The following DDX46 variants were observed in gnomAD, a reference collection of about 807,000 sequenced individuals.
DDX46 encodes the protein DEAD-box helicase 46, also known as probable ATP-dependent RNA helicase DDX46.
Under a neutral mutation model 134.9 loss-of-function variants are expected in DDX46, and 30 were observed. The ratio of observed to expected loss-of-function variants is 0.22; its 90% CI spans 0.17 to 0.30. The LOEUF is 0.30. Among genes scored for constraint, DDX46 ranks in the 10% least tolerant of loss-of-function variants. The pLI is 1.00. For synonymous variants in DDX46, 415 were observed against 404.1 expected (o/e 1.03, Z -0.32); for missense variants, 622 against 1,248.7 (o/e 0.50, Z 7.56).
At chr5:134,790,876 G>A (rs1417787387) in intron 13 of DDX46, among the ~76,000 whole-genome samples, 2 of 151,934 alleles carry the variant, frequency 1.3e-5, no homozygotes, top group Admixed American at 1.3e-4. Context: ...AGACTGCAGT[G>A]CAGTGGAGAA....
intron 4 of DDX46, among the ~76,000 whole-genome samples, chr5:134,772,100 G>T (rs186111603): frequency 6.6e-6 from 1 of 151,960 alleles, no homozygotes; most frequent in Non-Finnish European, 1.5e-5. Flanking sequence ...GCGTGATGGC[G>T]CATGCCTGTA....
chr5:134,828,981 G>T lies in DDX46; in HGVS notation c.*275G>T. On this transcript the variant is annotated 3_prime_UTR_variant, in exon 23 of 23. Coordinates refer to ENST00000452510, the MANE Select transcript of DDX46 (RefSeq NM_001300860.2). The stretch of plus-strand genomic sequence containing the variant: ...TAAATGTCCGGATAATATTCTAGAG[G>T]TTTAAAAAATGGAAATATTTGAACT... 4.0e-6 allele frequency: 1 copy of T among 252,914 alleles called. No homozygotes were observed. Among genetic ancestry groups the T allele is most frequent in the Non-Finnish European group, 7.4e-6 (1 of 134,350 alleles). The allele number at this position is 252,914 out of a possible 1,614,324, so 15.7% of individuals were successfully genotyped here.
At chr5:134,783,812 G>A (rs1754245885) in intron 9 of DDX46, among the ~76,000 whole-genome samples, 1 of 149,406 alleles carries the variant, frequency 6.7e-6, no homozygotes, top group Admixed American at 6.7e-5. Flanking sequence ...GCCTCTGAAA[G>A]TACTGGGATT....
At chr5:134,779,214 G>T (rs1754053679) in intron 6 of DDX46, among the ~76,000 whole-genome samples, 1 of 150,700 alleles carries the variant, frequency 6.6e-6, no homozygotes, top group South Asian at 2.1e-4. Context: ...TTTTTTTTGA[G>T]ATGGAGTCTT....
At chr5:134,827,423 C>T (rs1755619803) in intron 22 of DDX46, among the ~76,000 whole-genome samples, 1 of 152,090 alleles carries the variant, frequency 6.6e-6, no homozygotes, top group African/African-American at 2.4e-5. Context: ...TACAGGCGCA[C>T]ACCACCGCAT....
chr5:134,817,400 C>A, intron 19 of DDX46, 96 bp from the exon 20 acceptor site: 2 of 1,225,298 alleles, frequency 1.6e-6, no homozygotes, highest in Non-Finnish European at 1.1e-6. Context: ...AACTTGCATA[C>A]AAAGTTAGTA....
At chr5:134,802,497 G>A (rs188912540) in intron 15 of DDX46, among the ~76,000 whole-genome samples, 42 of 135,038 alleles carry the variant, frequency 3.1e-4, no homozygotes, top group African/African-American at 1.0e-3. Context: ...CAACATTATC[G>A]TTTTTTTTTT....
At chr5:134,780,098 A>G (rs77686679) in intron 6 of DDX46, among the ~76,000 whole-genome samples, 2,489 of 139,570 alleles carry the variant, frequency 0.018, 58 homozygotes, top group African/African-American at 0.051. Flanking sequence ...AAAAAAATAT[A>G]TGTGTGTGTG....
chr5:134,807,175 CTTTT>C (rs11284486), intron 15 of DDX46, among the ~76,000 whole-genome samples: 1 of 121,728 alleles, frequency 8.2e-6, no homozygotes. Flanking sequence ...CCACGCCTGG[CTTTT>C]TTTTTTTTTT....
chr5:134,786,776 C>T (rs950793474), intron 11 of DDX46, among the ~76,000 whole-genome samples: 22 of 151,992 alleles, frequency 1.4e-4, no homozygotes, highest in African/African-American at 4.6e-4. Flanking sequence ...ACCTGGGAGG[C>T]GGAGGTTGCA....
At chr5:134,827,707 C>T (rs1246796711) in intron 22 of DDX46, among the ~76,000 whole-genome samples, 1 of 150,730 alleles carries the variant, frequency 6.6e-6, no homozygotes, top group Non-Finnish European at 1.5e-5. Flanking sequence ...CATGTTATTG[C>T]ATGTAGCAAT....
intron 18 of DDX46, among the ~76,000 whole-genome samples, chr5:134,815,377 A>G (rs1755258000): frequency 6.6e-6 from 1 of 152,140 alleles, no homozygotes; most frequent in Admixed American, 6.5e-5. Context: ...CAGTGATATC[A>G]GTAGTCACTG....
intron 5 of DDX46, among the ~76,000 whole-genome samples, chr5:134,777,071 A>T (rs1388689810): frequency 6.6e-6 from 1 of 152,112 alleles, no homozygotes; most frequent in Admixed American, 6.5e-5. Context: ...AATTAGTGGC[A>T]TGGTGGCGGG....
intron 15 of DDX46, 125 bp from the exon 16 acceptor site, chr5:134,807,620 AGTC>A (rs1283507902): frequency 2.6e-6 from 2 of 771,042 alleles, no homozygotes; most frequent in Middle Eastern, 3.8e-4. Flanking sequence ...ACATTTTCTT[AGTC>A]TTTTATTTTC....
At chr5:134,811,461 TACG>T in intron 17 of DDX46, 103 bp downstream of exon 17, 2 of 1,442,574 alleles carry the variant, frequency 1.4e-6, no homozygotes, top group East Asian at 4.7e-5. Context: ...AAAATTTTGC[TACG>T]ACTATTTTTA....
chr5:134,777,845 T>A, intron 6 of DDX46, 120 bp downstream of exon 6: 2 of 1,213,644 alleles, frequency 1.6e-6, no homozygotes, highest in Non-Finnish European at 2.2e-6. Flanking sequence ...TCTCCTCATC[T>A]GAGAGATGGC....
intron 7 of DDX46, 50 bp from the exon 8 acceptor site, chr5:134,781,871 G>A (rs1326746200): frequency 1.3e-6 from 2 of 1,544,666 alleles, no homozygotes; most frequent in Admixed American, 2.2e-5. Context: ...TTCCCACAAG[G>A]GGAAAATAGT....
chr5:134,776,412 G>A (rs1753939062), intron 5 of DDX46, among the ~76,000 whole-genome samples: 2 of 151,638 alleles, frequency 1.3e-5, no homozygotes, highest in Admixed American at 6.6e-5. Flanking sequence ...AAAGAATTAC[G>A]AGAAAGCAAA....
chr5:134,817,690 A>G lies in DDX46; in HGVS notation c.2808A>G (p.Glu936=), dbSNP rs140264157. ...AATCTTTTAAGAGATATGAAGAAGA[A>G]TTAGAGATCAATGACTTCCCACAGG... The part of the protein sequence containing the change: ...QNESFKRYEE[E]LEINDFPQTA... The change falls in exon 20 of 23, where the codon GAA becomes GAG. Residue 936 remains glutamate (E), a synonymous_variant. Coordinates refer to ENST00000452510, the MANE Select transcript of DDX46 (RefSeq NM_001300860.2). 6.2e-7 allele frequency: 1 copy of G among 1,614,126 alleles called. No homozygotes were observed. Among genetic ancestry groups the G allele is most frequent in the Non-Finnish European group, 8.5e-7 (1 of 1,180,014 alleles).
Sources: gnomAD v4.1 joint callset for allele counts (sites outside exome capture counted in the v4.1 genomes callset) on GRCh38, gnomAD v4.1.1 for gene constraint, MANE v1.5 for transcripts, NCBI Gene and HGNC (gene_info 2026-07-23, HGNC 2026-07-21) for gene names.